Variants in NLK observed in about 807,000 individuals in gnomAD.
The protein encoded by NLK is serine/threonine-protein kinase NLK.
A neutral mutation model predicts 59.0 loss-of-function variants in NLK; 11 were observed. That is an observed-to-expected ratio of 0.19 (90% CI 0.12 to 0.31). The LOEUF (loss-of-function observed/expected upper bound fraction) is 0.31, where lower values mean the gene tolerates loss of function less well. Ranked by LOEUF, NLK falls within the 10% of genes least tolerant of loss-of-function variation. NLK has a pLI of 1.00. For synonymous variants in NLK, 235 were observed against 235.9 expected (o/e 1.00, Z 0.03); for missense variants, 410 against 661.1 (o/e 0.62, Z 4.16).
At chr17:28,060,957 A>G (rs990005839) in intron 1 of NLK, among the ~76,000 whole-genome samples, 3 of 152,226 alleles carry the variant, frequency 2.0e-5, no homozygotes, top group African/African-American at 4.8e-5. Flanking sequence ...ATTGAAAGCA[A>G]CCTAAATGTC....
intron 8 of NLK, among the ~76,000 whole-genome samples, chr17:28,186,384 A>G (rs948885739): frequency 2.6e-5 from 4 of 152,144 alleles, no homozygotes; most frequent in African/African-American, 7.2e-5. Flanking sequence ...TTATTTTTGT[A>G]ATGTCTCAGG....
At chr17:28,131,180 C>T (rs1437603085) in intron 2 of NLK, among the ~76,000 whole-genome samples, 1 of 151,868 alleles carries the variant, frequency 6.6e-6, no homozygotes, top group Non-Finnish European at 1.5e-5. Context: ...TAAAATGAAC[C>T]GGGTTTCTTC....
chr17:28,187,874 A>C (rs886438106), intron 8 of NLK, among the ~76,000 whole-genome samples: 1 of 152,130 alleles, frequency 6.6e-6, no homozygotes, highest in Admixed American at 6.5e-5. Context: ...TTCTTTTGGA[A>C]CCTATGTAAG....
intron 1 of NLK, among the ~76,000 whole-genome samples, chr17:28,078,727 C>T (rs1910248919): frequency 6.6e-6 from 1 of 152,070 alleles, no homozygotes; most frequent in African/African-American, 2.4e-5. Flanking sequence ...TGGTTTATAG[C>T]ACTCTCTCTG....
intron 1 of NLK, among the ~76,000 whole-genome samples, chr17:28,093,278 T>C (rs765958724): frequency 6.6e-6 from 1 of 152,178 alleles, no homozygotes; most frequent in Non-Finnish European, 1.5e-5. Context: ...AATAGATTTC[T>C]TAAATATAAT....
chr17:28,164,740 A>G (rs563812741), intron 5 of NLK, among the ~76,000 whole-genome samples: 7 of 152,322 alleles, frequency 4.6e-5, no homozygotes, highest in South Asian at 4.1e-4. Context: ...GAAAAGAAAA[A>G]TAAATTTTTA....
chr17:28,142,357 G>A (rs955425238), intron 3 of NLK, among the ~76,000 whole-genome samples: 2 of 152,150 alleles, frequency 1.3e-5, no homozygotes, highest in Admixed American at 6.5e-5. Context: ...GTATTCAAAC[G>A]TTTTAACAAC....
chr17:28,137,529 C>T (rs914745577), intron 3 of NLK, among the ~76,000 whole-genome samples: 17 of 152,044 alleles, frequency 1.1e-4, no homozygotes, highest in Admixed American at 9.2e-4. Flanking sequence ...AACCAGCAGG[C>T]GCTTTTAAAC....
intron 3 of NLK, among the ~76,000 whole-genome samples, chr17:28,160,574 G>C (rs565910587): frequency 1.3e-5 from 2 of 152,244 alleles, no homozygotes; most frequent in Non-Finnish European, 2.9e-5. Flanking sequence ...TAGGAAGCTC[G>C]CTCGAAATCT....
chr17:28,169,122 G>T (rs191947567), intron 6 of NLK, among the ~76,000 whole-genome samples: 2 of 152,268 alleles, frequency 1.3e-5, no homozygotes, highest in African/African-American at 2.4e-5. Context: ...CTGACCTCAG[G>T]TGATCCACCT....
At chr17:28,088,319 C>A (rs1372927427) in intron 1 of NLK, among the ~76,000 whole-genome samples, 1 of 152,132 alleles carries the variant, frequency 6.6e-6, no homozygotes, top group Non-Finnish European at 1.5e-5. Context: ...ATGATTAATA[C>A]CTAGATCCAT....
chr17:28,132,254 T>C (rs1906548530), intron 2 of NLK, among the ~76,000 whole-genome samples: 1 of 152,202 alleles, frequency 6.6e-6, no homozygotes, highest in South Asian at 2.1e-4. Context: ...AGAATGCACA[T>C]AGTAAAGATT....
intron 6 of NLK, 40 bp from the exon 7 acceptor site, chr17:28,172,477 C>G: frequency 7.4e-7 from 1 of 1,356,330 alleles, no homozygotes; most frequent in East Asian, 2.7e-5. Context: ...AAAGTTATTT[C>G]CATGAGATTA....
At chr17:28,082,027 C>G (rs1416035147) in intron 1 of NLK, among the ~76,000 whole-genome samples, 2 of 152,068 alleles carry the variant, frequency 1.3e-5, no homozygotes, top group Non-Finnish European at 2.9e-5. Context: ...CCGAGTAGCT[C>G]GGATTACAGG....
At chr17:28,191,493 T>C (rs1056736973) in intron 9 of NLK, among the ~76,000 whole-genome samples, 9 of 152,226 alleles carry the variant, frequency 5.9e-5, no homozygotes, top group Middle Eastern at 3.2e-3. Context: ...TCACTCAGTG[T>C]CATTTCATTG....
intron 1 of NLK, among the ~76,000 whole-genome samples, chr17:28,093,041 C>T (rs941170123): frequency 6.6e-6 from 1 of 152,098 alleles, no homozygotes; most frequent in African/African-American, 2.4e-5. Context: ...GATCCACCCA[C>T]CTTGGCCCCC....
intron 1 of NLK, among the ~76,000 whole-genome samples, chr17:28,084,156 G>A (rs1048231022): frequency 1.6e-4 from 24 of 152,252 alleles, no homozygotes; most frequent in South Asian, 4.1e-4. Context: ...TAATAGTTGC[G>A]TGACTATGAA....
At chr17:28,134,478 A>G (rs1906655332) in intron 3 of NLK, among the ~76,000 whole-genome samples, 1 of 152,262 alleles carries the variant, frequency 6.6e-6, no homozygotes. Context: ...ATTAGGCATT[A>G]TAAGTAATTT....
chr17:28,141,247 A>T (rs1906978912), intron 3 of NLK, among the ~76,000 whole-genome samples: 1 of 152,140 alleles, frequency 6.6e-6, no homozygotes, highest in Non-Finnish European at 1.5e-5. Flanking sequence ...AGACTCTTTG[A>T]TATACTTTTC....
Sources: allele counts gnomAD v4.1 joint callset (sites outside exome capture counted in the v4.1 genomes callset), GRCh38; gene constraint gnomAD v4.1.1; transcripts MANE v1.5; gene names NCBI Gene and HGNC (gene_info 2026-07-23, HGNC 2026-07-21).